Variants in LRRC8D observed in about 807,000 individuals in gnomAD.
LRRC8D encodes leucine rich repeat containing 8 VRAC subunit D.
Under a neutral mutation model 55.8 loss-of-function variants are expected in LRRC8D, and 20 were observed. The ratio of observed to expected loss-of-function variants is 0.36; its 90% CI spans 0.25 to 0.52. LRRC8D has a LOEUF of 0.52. Ranked by LOEUF, LRRC8D falls within the 20% of genes least tolerant of loss-of-function variation. The probability of loss-of-function intolerance (pLI) is 0.93; values close to 1 mark genes in which losing one functional copy is unlikely to be tolerated. For synonymous variants in LRRC8D, 352 were observed against 377.0 expected, an observed-to-expected ratio of 0.93 and a Z score of 0.77; for missense variants, 651 against 1,030.8, an observed-to-expected ratio of 0.63 and a Z score of 5.05.
chr1:89,832,236 G>A (rs574990941), intron 1 of LRRC8D, among the ~76,000 whole-genome samples: 22 of 152,346 alleles, frequency 1.4e-4, no homozygotes, highest in Middle Eastern at 3.4e-3. Context: ...TGAAAGAGAA[G>A]AGAGTAATAA....
chr1:89,919,669 A>G (rs1663361087), intron 2 of LRRC8D, among the ~76,000 whole-genome samples: 1 of 152,210 alleles, frequency 6.6e-6, no homozygotes, highest in South Asian at 2.1e-4. Flanking sequence ...TTCTTCACTC[A>G]GTTTGGGATG....
At chr1:89,887,897 G>T (rs1462840989) in intron 2 of LRRC8D, among the ~76,000 whole-genome samples, 3 of 152,174 alleles carry the variant, frequency 2.0e-5, no homozygotes, top group Non-Finnish European at 2.9e-5. Flanking sequence ...GGAGCCACAG[G>T]GTGGGAGGTT....
At chr1:89,841,934 C>A (rs1027707718) in intron 1 of LRRC8D, among the ~76,000 whole-genome samples, 2 of 152,106 alleles carry the variant, frequency 1.3e-5, no homozygotes, top group Non-Finnish European at 2.9e-5. Context: ...GATCATTGGC[C>A]AGGAGTGGTG....
intron 1 of LRRC8D, among the ~76,000 whole-genome samples, chr1:89,828,749 T>C (rs999520640): frequency 6.6e-6 from 1 of 152,202 alleles, no homozygotes; most frequent in Non-Finnish European, 1.5e-5. Flanking sequence ...CAAGCATTTT[T>C]TTTTTCTTAA....
intron 2 of LRRC8D, among the ~76,000 whole-genome samples, chr1:89,866,348 G>T (rs1661849432): frequency 6.6e-6 from 1 of 152,290 alleles, no homozygotes; most frequent in Non-Finnish European, 1.5e-5. Flanking sequence ...ACTTGGGCAT[G>T]GTATTGCTAA....
At chr1:89,825,063 C>T (rs1389534664) in intron 1 of LRRC8D, among the ~76,000 whole-genome samples, 1 of 152,110 alleles carries the variant, frequency 6.6e-6, no homozygotes, top group African/African-American at 2.4e-5. Context: ...TGTTCCTTCT[C>T]AATGTTATCC....
chr1:89,890,627 G>A (rs1222470095), intron 2 of LRRC8D, among the ~76,000 whole-genome samples: 1 of 152,090 alleles, frequency 6.6e-6, no homozygotes. Flanking sequence ...TTTGACTTAA[G>A]AAGTCACAAA....
intron 1 of LRRC8D, among the ~76,000 whole-genome samples, chr1:89,827,211 TGTG>T (rs1055646866): frequency 1.3e-5 from 2 of 151,722 alleles, no homozygotes; most frequent in Non-Finnish European, 2.9e-5. Context: ...ATTAGCCAGA[TGTG>T]GTGGTGGTGC....
intron 2 of LRRC8D, among the ~76,000 whole-genome samples, chr1:89,880,408 A>G (rs1362108180): frequency 6.6e-6 from 1 of 151,818 alleles, no homozygotes; most frequent in Non-Finnish European, 1.5e-5. Context: ...GTGAAATCTC[A>G]TTAGGTTGGA....
intron 2 of LRRC8D, among the ~76,000 whole-genome samples, chr1:89,887,142 C>T (rs1192135431): frequency 6.6e-6 from 1 of 152,038 alleles, no homozygotes; most frequent in African/African-American, 2.4e-5. Flanking sequence ...AATCTGGAAA[C>T]CTCAGATATC....
At chr1:89,839,194 A>G (rs1384673358) in intron 1 of LRRC8D, among the ~76,000 whole-genome samples, 1 of 152,160 alleles carries the variant, frequency 6.6e-6, no homozygotes, top group African/African-American at 2.4e-5. Context: ...TCTGTAACAC[A>G]TTAATAATGA....
chr1:89,870,258 C>T lies in LRRC8D; in HGVS notation c.-3+26476C>T, dbSNP rs147137187. Among the ~76,000 whole-genome samples the T allele has an allele frequency of 8.2e-3, 1,247 of 152,066 alleles. 9 individuals carry two copies. Among genetic ancestry groups the T allele is most frequent in the Non-Finnish European group, 0.012 (827 of 67,984 alleles). ...TTGGGAGGCTGAGGCGGGTGGATCA[C>T]GAGGTCAGGAGATAGAGACCATCCT... On this transcript the variant is annotated intron_variant, in intron 2 of 2. Transcript: ENST00000337338.
intron 2 of LRRC8D, among the ~76,000 whole-genome samples, chr1:89,849,975 A>C (rs1009814525): frequency 2.6e-5 from 4 of 152,158 alleles, no homozygotes; most frequent in Non-Finnish European, 4.4e-5. Flanking sequence ...TGGGCTCACA[A>C]TGTTGTCTCT....
intron 2 of LRRC8D, among the ~76,000 whole-genome samples, chr1:89,854,029 A>T (rs1661488201): frequency 6.6e-6 from 1 of 152,202 alleles, no homozygotes; most frequent in African/African-American, 2.4e-5. Context: ...TCCAGAAAAG[A>T]TAGGGGGGCC....
At chr1:89,845,063 G>A (rs542463339) in intron 2 of LRRC8D, among the ~76,000 whole-genome samples, 27 of 152,176 alleles carry the variant, frequency 1.8e-4, no homozygotes, top group African/African-American at 5.1e-4. Context: ...CATACACTGC[G>A]CGCTTTCACT....
intron 2 of LRRC8D, among the ~76,000 whole-genome samples, chr1:89,844,093 C>T (rs1397259334): frequency 6.6e-6 from 1 of 152,206 alleles, no homozygotes; most frequent in East Asian, 1.9e-4. Flanking sequence ...TCCCCAGCTG[C>T]CCTCTCCACC....
chr1:89,878,512 T>C (rs1662201528), intron 2 of LRRC8D, among the ~76,000 whole-genome samples: 2 of 152,370 alleles, frequency 1.3e-5, no homozygotes, highest in Non-Finnish European at 2.9e-5. Context: ...TGTTTGAATG[T>C]ATCTGAGATG....
intron 2 of LRRC8D, among the ~76,000 whole-genome samples, chr1:89,853,760 TG>T (rs1421903411): frequency 6.6e-6 from 1 of 151,932 alleles, no homozygotes; most frequent in Non-Finnish European, 1.5e-5. Context: ...AGGTATTCAG[TG>T]GGTAGTCAGA....
chr1:89,845,559 C>T (rs1661254426), intron 2 of LRRC8D, among the ~76,000 whole-genome samples: 2 of 152,160 alleles, frequency 1.3e-5, no homozygotes, highest in South Asian at 4.1e-4. Context: ...GCCTCAGCCT[C>T]CTGAGTAGCT....
Sources: gnomAD v4.1 joint callset for allele counts (sites outside exome capture counted in the v4.1 genomes callset) on GRCh38, gnomAD v4.1.1 for gene constraint, MANE v1.5 for transcripts, NCBI Gene and HGNC (gene_info 2026-07-23, HGNC 2026-07-21) for gene names.